Variants in MYOM1 observed in about 807,000 individuals in gnomAD.
The protein encoded by MYOM1 is myomesin-1.
Under a neutral mutation model 205.3 loss-of-function variants are expected in MYOM1, and 164 were observed. The observed-to-expected ratio is 0.80, with a 90% confidence interval of 0.70 to 0.91. The LOEUF (loss-of-function observed/expected upper bound fraction) is 0.91. MYOM1 is among the 40% of genes least tolerant of loss of function. The pLI is 0.00. For synonymous variants in MYOM1, 772 were observed against 789.4 expected, an observed-to-expected ratio of 0.98 and a Z score of 0.37; for missense variants, 2,011 against 2,127.3, an observed-to-expected ratio of 0.95 and a Z score of 1.08.
chr18:3,171,386 C>T (rs1598741237), intron 8 of MYOM1, among the ~76,000 whole-genome samples: 1 of 152,298 alleles, frequency 6.6e-6, no homozygotes, highest in East Asian at 1.9e-4. Context: ...GGGCTACCGC[C>T]AGATGTTCCA....
chr18:3,153,541 AG>A (rs2080250041), intron 11 of MYOM1, among the ~76,000 whole-genome samples: 1 of 152,244 alleles, frequency 6.6e-6, no homozygotes, highest in Non-Finnish European at 1.5e-5. Flanking sequence ...CACTGGTCAA[AG>A]TTTAAAAATC....
At chr18:3,215,857 C>T (rs2081259392) in intron 1 of MYOM1, among the ~76,000 whole-genome samples, 1 of 152,146 alleles carries the variant, frequency 6.6e-6, no homozygotes, top group Admixed American at 6.5e-5. Flanking sequence ...TCTGCCATTT[C>T]ATTCTTCATT....
At chr18:3,197,680 T>C (rs1013005900) in intron 2 of MYOM1, among the ~76,000 whole-genome samples, 247 of 151,892 alleles carry the variant, frequency 1.6e-3, no homozygotes, top group East Asian at 6.3e-3. Flanking sequence ...GAGACCATCC[T>C]AGCTAACATG....
At chr18:3,095,258 C>T (rs180896492) in intron 25 of MYOM1, among the ~76,000 whole-genome samples, 1 of 152,094 alleles carries the variant, frequency 6.6e-6, no homozygotes, top group Admixed American at 6.6e-5. Flanking sequence ...CACCTGCTAA[C>T]ATGGATGTGC....
At chr18:3,070,816 C>G (rs1000769811) in intron 37 of MYOM1, among the ~76,000 whole-genome samples, 2 of 151,576 alleles carry the variant, frequency 1.3e-5, no homozygotes, top group Admixed American at 1.3e-4. Flanking sequence ...GTCGCCCGGG[C>G]TGGAGTGATC....
chr18:3,129,352 C>T lies in MYOM1; in HGVS notation c.2674G>A (p.Gly892Ser). 6.2e-7 allele frequency: 1 copy of T among 1,613,902 alleles called. No individual in the cohort carries two copies. Among genetic ancestry groups the T allele is most frequent in the Non-Finnish European group, 8.5e-7 (1 of 1,179,886 alleles). ...PSLPSSSQNL[G>S]QTEVSKVSET... ...CTTACTTTACTCACTTCTGTTTGGC[C>T]CAGGTTTTGAGAGCTACTGGGTAGT... is the stretch of plus-strand genomic sequence containing the variant. The change falls in exon 18 of 38, where the codon GGC becomes AGC. Residue 892 changes from glycine (G) to serine (S), a missense_variant. Coordinates refer to ENST00000356443, the MANE Select transcript of MYOM1 (RefSeq NM_003803.4).
chr18:3,121,413 C>T (rs921368720), intron 19 of MYOM1, among the ~76,000 whole-genome samples: 4 of 152,152 alleles, frequency 2.6e-5, no homozygotes, highest in Non-Finnish European at 5.9e-5. Flanking sequence ...AAATTACCCT[C>T]AAACAAGCAA....
In MYOM1 at chr18:3,141,929, A is replaced by C. The variant is rs972434580; in HGVS notation, c.2025+10T>G. The C allele has an allele frequency of 3.1e-6, 5 of 1,613,516 alleles. No individual in the cohort carries two copies. The highest frequency in any genetic ancestry group is 4.2e-6 in the Non-Finnish European group (5 of 1,179,622). On this transcript the variant is annotated intron_variant, in intron 14 of 37. Transcript: ENST00000356443. ...GGTAGTATGAGGTCATGTTGATTCT[A>C]GAGTCTTACCTTTTCCACAAAGTAC...
intron 5 of MYOM1, among the ~76,000 whole-genome samples, chr18:3,183,858 C>G (rs1217140277): frequency 1.3e-5 from 2 of 151,768 alleles, no homozygotes; most frequent in African/African-American, 4.8e-5. Context: ...TGCTCTGTAC[C>G]AGTGGTGCAA....
At position 3,174,191 on chromosome 18, in the gene MYOM1, G is replaced by T; in HGVS notation, c.1040C>A (p.Thr347Lys). Residue 347 changes from threonine to lysine, a missense_variant, in exon 7 of 38, where the codon ACA (threonine) becomes AAA (lysine). By Grantham distance (78) the Thr-to-Lys change is moderately conservative (BLOSUM62 -1). Coordinates refer to ENST00000356443, the MANE Select transcript of MYOM1 (RefSeq NM_003803.4). ...LEINGCDFED[T>K]AQYRASAMNV... ...CATCGCCGAGGCCCGGTACTGAGCT[G>T]TATCTTCAAAATCACATCTGAAAGA... The T allele has an allele frequency of 6.2e-7, 1 of 1,613,360 alleles. No homozygotes were observed. The highest frequency in any genetic ancestry group is 2.2e-5 in the East Asian group (1 of 44,890).
chr18:3,178,912 T>C (rs1036743232), intron 5 of MYOM1, among the ~76,000 whole-genome samples: 5 of 151,918 alleles, frequency 3.3e-5, no homozygotes, highest in Admixed American at 2.6e-4. Flanking sequence ...CTGTCTCCCA[T>C]GCTGGAGTGC....
At chr18:3,171,767 G>A (rs887780887) in intron 8 of MYOM1, among the ~76,000 whole-genome samples, 3 of 152,116 alleles carry the variant, frequency 2.0e-5, no homozygotes, top group African/African-American at 4.8e-5. Flanking sequence ...CGTTCATAAA[G>A]GTTTTATTGG....
At chr18:3,168,242 A>G (rs1418811890) in intron 9 of MYOM1, among the ~76,000 whole-genome samples, 1 of 152,242 alleles carries the variant, frequency 6.6e-6, no homozygotes, top group Non-Finnish European at 1.5e-5. Context: ...TTATGGTATA[A>G]ATAAGTCTAT....
rs2081169448 is a variant in MYOM1 at position 3,209,807 on chromosome 18, C to G, written c.290+5127G>C. On this transcript the variant is annotated intron_variant, in intron 2 of 37. Coordinates refer to ENST00000356443, the MANE Select transcript of MYOM1 (RefSeq NM_003803.4). The surrounding 1 kb of genome is among the most constrained non-coding windows in gnomAD (Gnocchi z 4.0). ...TAACCTGCACTCTTGGCCCATGTCC[C>G]TGATCTCTCTTACCCTGCTCTGTTT... Among the ~76,000 whole-genome samples, 1 of 152,224 alleles carries G rather than the reference C, an allele frequency of 6.6e-6. No individual in the cohort carries two copies. Among genetic ancestry groups the G allele is most frequent in the African/African-American group, 2.4e-5 (1 of 41,462 alleles).
chr18:3,162,044 C>G (rs2080398749), intron 10 of MYOM1, among the ~76,000 whole-genome samples: 1 of 152,102 alleles, frequency 6.6e-6, no homozygotes, highest in Non-Finnish European at 1.5e-5. Context: ...CAGTTGAGTA[C>G]TCAAAATGTT....
chr18:3,090,647 G>A lies in MYOM1; in HGVS notation c.4009+11C>T, dbSNP rs773882673. On this transcript the variant is annotated intron_variant, in intron 27 of 37. Transcript: ENST00000356443. The stretch of plus-strand genomic sequence containing the variant: ...CAAAGCCTGCTGGTTAATGTTCCAC[G>A]GAATTCTTACCATCTCCAACGAGAA... 24 of 1,613,692 alleles carry A rather than the reference G, an allele frequency of 1.5e-5. No homozygotes were observed. Among genetic ancestry groups the A allele is most frequent in the Middle Eastern group, 1.7e-4 (1 of 6,060 alleles).
intron 10 of MYOM1, among the ~76,000 whole-genome samples, chr18:3,162,349 C>G (rs2080403395): frequency 1.3e-5 from 2 of 152,170 alleles, no homozygotes; most frequent in African/African-American, 4.8e-5. Context: ...AAGTAGGGAC[C>G]ACACCTGTAA....
intron 9 of MYOM1, among the ~76,000 whole-genome samples, chr18:3,165,185 T>C (rs1393924143): frequency 3.3e-5 from 5 of 152,184 alleles, no homozygotes; most frequent in Admixed American, 3.3e-4. Flanking sequence ...AAAGGGACAA[T>C]CTAGAATCTA....
intron 2 of MYOM1, among the ~76,000 whole-genome samples, chr18:3,197,733 C>T (rs543988882): frequency 2.6e-5 from 4 of 151,836 alleles, no homozygotes; most frequent in South Asian, 2.1e-4. Context: ...ATTAGCTGGG[C>T]ATGGTGGCAG....
Sources: allele counts gnomAD v4.1 joint callset (sites outside exome capture counted in the v4.1 genomes callset), GRCh38; gene constraint gnomAD v4.1.1; non-coding constraint Gnocchi (gnomAD v3.1); transcripts MANE v1.5; gene names NCBI Gene and HGNC (gene_info 2026-07-23, HGNC 2026-07-21).